The following CDIN1 variants were observed in gnomAD, a reference collection of about 807,000 sequenced individuals.
CDIN1 encodes the protein CDAN1-interacting nuclease 1.
A neutral mutation model predicts 45.3 loss-of-function variants in CDIN1; 33 were observed. The ratio of observed to expected loss-of-function variants is 0.73; its 90% CI spans 0.55 to 0.97. The LOEUF is 0.97. CDIN1 is among the 50% of genes least tolerant of loss of function. The probability of loss-of-function intolerance (pLI) is 0.00; values close to 1 mark genes in which losing one functional copy is unlikely to be tolerated. For synonymous variants in CDIN1, 118 were observed against 124.4 expected (o/e 0.95, Z 0.34); for missense variants, 303 against 339.4 (o/e 0.89, Z 0.84).
intron 8 of CDIN1, among the ~76,000 whole-genome samples, chr15:36,698,959 A>G (rs142633661): frequency 1.9e-3 from 284 of 152,322 alleles, no homozygotes; most frequent in African/African-American, 5.7e-3. Context: ...GACAAAAGCA[A>G]TGTAAAAATG....
chr15:36,611,115 T>G (rs2038628020), intron 1 of CDIN1, among the ~76,000 whole-genome samples: 1 of 152,216 alleles, frequency 6.6e-6, no homozygotes. Flanking sequence ...AAAGAACTTA[T>G]TATAACAGGC....
At chr15:36,612,240 T>A (rs1173055945) in intron 1 of CDIN1, among the ~76,000 whole-genome samples, 4 of 152,138 alleles carry the variant, frequency 2.6e-5, no homozygotes, top group Admixed American at 1.3e-4. Flanking sequence ...AGCCCTTGTC[T>A]CTCTTCTTCA....
intron 5 of CDIN1, among the ~76,000 whole-genome samples, chr15:36,678,286 A>G (rs1188037183): frequency 2.0e-5 from 3 of 152,230 alleles, no homozygotes; most frequent in Non-Finnish European, 2.9e-5. Flanking sequence ...GAAATTGTTC[A>G]GGAAAGACAC....
In CDIN1 at chr15:36,742,745, G is replaced by A. The variant is rs912455120; in HGVS notation, c.716+32784G>A. Among the ~76,000 whole-genome samples, 4 of 152,292 alleles carry A rather than the reference G, an allele frequency of 2.6e-5. No homozygotes were observed. In the South Asian group the frequency reaches 6.2e-4, roughly 24 times the overall value. ...AGTTCACTCATTCACACATTCATTCGTTTATTCATTAAACTGGTACCTTGT... is the reference window on the plus strand; with the variant it reads ...AGTTCACTCATTCACACATTCATTCATTTATTCATTAAACTGGTACCTTGT... On this transcript the variant is annotated intron_variant, in intron 10 of 10. Coordinates refer to ENST00000566621, the MANE Select transcript of CDIN1 (RefSeq NM_001321759.2).
intron 10 of CDIN1, among the ~76,000 whole-genome samples, chr15:36,768,837 A>G (rs1191424772): frequency 6.6e-6 from 1 of 152,140 alleles, no homozygotes; most frequent in Non-Finnish European, 1.5e-5. Flanking sequence ...TGAAGGAGCC[A>G]AGGAGAAAGG....
At chr15:36,671,654 A>G (rs1487396566) in intron 5 of CDIN1, among the ~76,000 whole-genome samples, 1 of 152,092 alleles carries the variant, frequency 6.6e-6, no homozygotes, top group Non-Finnish European at 1.5e-5. Flanking sequence ...CAAACATATT[A>G]TCCAGTTTCT....
rs139539371 is a variant in CDIN1, at chr15:36,756,091, T to C, written c.716+46130T>C. 12 of 455,984 alleles carry C rather than the reference T, an allele frequency of 2.6e-5. No individual in the cohort carries two copies. In the East Asian group the frequency reaches 8.3e-4, roughly 32 times the overall value. The allele number at this position is 455,984 out of a possible 1,614,324, so 28.2% of individuals were successfully genotyped here. On this transcript the variant is annotated intron_variant, in intron 10 of 10. Coordinates refer to ENST00000566621, the MANE Select transcript of CDIN1 (RefSeq NM_001321759.2). ...ATGAGGACTGGAGTAGATAAATAAG[T>C]TTGACCCCGAACATGGTGAGCTTTA...
intron 10 of CDIN1, among the ~76,000 whole-genome samples, chr15:36,800,613 CTAAA>C (rs1360472238): frequency 6.6e-6 from 1 of 151,968 alleles, no homozygotes; most frequent in Non-Finnish European, 1.5e-5. Context: ...TAGATTAAAA[CTAAA>C]TAAACAGTGT....
intron 8 of CDIN1, chr15:36,706,544 C>T (rs1410895786): frequency 6.6e-6 from 1 of 150,972 alleles, no homozygotes; most frequent in African/African-American, 2.4e-5. Context: ...ACCCAAGAGA[C>T]GAAGGTTGCA....
Position 36,808,487 on chromosome 15 carries a change from A to G in CDIN1, c.*34A>G, listed in dbSNP as rs2055305063. 4 of 1,611,354 alleles carry G rather than the reference A, an allele frequency of 2.5e-6. No individual in the cohort carries two copies. The highest frequency in any genetic ancestry group is 3.4e-6 in the Non-Finnish European group (4 of 1,178,470). Reference sequence around the variant, plus strand: ...ATCCTGGAAGAGAAGCTGGGAGGAAAAGGTGAATCCGGAAGCAATTTTACT... The same window carrying G: ...ATCCTGGAAGAGAAGCTGGGAGGAAGAGGTGAATCCGGAAGCAATTTTACT... On this transcript the variant is annotated 3_prime_UTR_variant, in exon 11 of 11. Coordinates refer to ENST00000566621, the MANE Select transcript of CDIN1 (RefSeq NM_001321759.2).
At chr15:36,706,966 C>G (rs2042889361) in intron 8 of CDIN1, 1 of 152,114 alleles carries the variant, frequency 6.6e-6, no homozygotes, top group South Asian at 2.1e-4. Context: ...GAACAGTGAA[C>G]AAGGCCACCT....
chr15:36,700,912 C>CA (rs1289919324), intron 8 of CDIN1, among the ~76,000 whole-genome samples: 2 of 151,856 alleles, frequency 1.3e-5, no homozygotes, highest in African/African-American at 4.8e-5. Flanking sequence ...TGTCTCTACA[C>CA]AAAATTTTTT....
chr15:36,664,390 T>G (rs1386545819), intron 5 of CDIN1, among the ~76,000 whole-genome samples: 6 of 152,240 alleles, frequency 3.9e-5, no homozygotes, highest in Non-Finnish European at 7.3e-5. Context: ...ATTATTCAAG[T>G]GTTTATTTAA....
chr15:36,587,378 G>A (rs531445450), intron 1 of CDIN1, among the ~76,000 whole-genome samples: 48 of 68,390 alleles, frequency 7.0e-4, no homozygotes, highest in African/African-American at 2.1e-3. Context: ...AATGTACTTA[G>A]TCATCTTCTT....
intron 10 of CDIN1, among the ~76,000 whole-genome samples, chr15:36,757,298 C>T (rs1286358393): frequency 1.3e-5 from 2 of 152,094 alleles, no homozygotes; most frequent in East Asian, 3.9e-4. Context: ...GAAGATTAAA[C>T]AAAAATCCAG....
intron 10 of CDIN1, among the ~76,000 whole-genome samples, chr15:36,794,813 A>G (rs1409416209): frequency 6.6e-6 from 1 of 152,250 alleles, no homozygotes; most frequent in Non-Finnish European, 1.5e-5. Context: ...GTCTAAAATC[A>G]GCATATCAAA....
At chr15:36,752,999 C>T (rs1232370344) in intron 10 of CDIN1, among the ~76,000 whole-genome samples, 1 of 151,976 alleles carries the variant, frequency 6.6e-6, no homozygotes, top group African/African-American at 2.4e-5. Context: ...GGAAGAGAGA[C>T]GTATGATATT....
chr15:36,645,084 C>A, intron 2 of CDIN1, 139 bp from the exon 3 acceptor site: 1 of 666,884 alleles, frequency 1.5e-6, no homozygotes, highest in Admixed American at 2.6e-5. Context: ...GAAGTCCTGC[C>A]ATCACCACAA....
intron 1 of CDIN1, among the ~76,000 whole-genome samples, chr15:36,628,301 A>C (rs113830656): frequency 1.6e-4 from 24 of 152,168 alleles, no homozygotes; most frequent in Admixed American, 6.5e-5. Flanking sequence ...ATAGAAATGG[A>C]ATCATGTGGT....
Sources: allele counts gnomAD v4.1 joint callset (sites outside exome capture counted in the v4.1 genomes callset), GRCh38; gene constraint gnomAD v4.1.1; transcripts MANE v1.5; gene names NCBI Gene and HGNC (gene_info 2026-07-23, HGNC 2026-07-21).